The following NAA11 variants were observed in gnomAD, a reference collection of about 807,000 sequenced individuals.
NAA11 encodes N-alpha-acetyltransferase 11.
A neutral mutation model predicts 16.1 loss-of-function variants in NAA11; 15 were observed. That is an observed-to-expected ratio of 0.93 (90% CI 0.62 to 1.44). NAA11 has a LOEUF of 1.44. Ranked by LOEUF, NAA11 falls within the 40% of genes most tolerant of loss-of-function variation. The pLI is 0.00. For synonymous variants in NAA11, 122 were observed against 112.4 expected, an observed-to-expected ratio of 1.09 and a Z score of -0.54; for missense variants, 298 against 291.3, an observed-to-expected ratio of 1.02 and a Z score of -0.17.
chr4:79,226,866 G>GT (rs1270720161), intron 2 of NAA11, among the ~76,000 whole-genome samples: 1 of 151,986 alleles, frequency 6.6e-6, no homozygotes, highest in Non-Finnish European at 1.5e-5. Flanking sequence ...CTTTGCTATT[G>GT]TGAGTATTGC....
chr4:79,283,264 G>A (rs1256489397), intron 2 of NAA11, among the ~76,000 whole-genome samples: 1 of 151,952 alleles, frequency 6.6e-6, no homozygotes, highest in African/African-American at 2.4e-5. Context: ...TGAATAAAAT[G>A]TCAAGAAGTT....
chr4:79,221,652 G>T (rs1166972137), downstream of NAA11, among the ~76,000 whole-genome samples: 2 of 99,450 alleles, frequency 2.0e-5, no homozygotes, highest in African/African-American at 2.9e-5. Flanking sequence ...TTTGTCTTTG[G>T]CTCTGTTTAT....
intron 2 of NAA11, among the ~76,000 whole-genome samples, chr4:79,267,006 T>C (rs1722368721): frequency 6.6e-6 from 1 of 152,220 alleles, no homozygotes; most frequent in Non-Finnish European, 1.5e-5. Flanking sequence ...AGCTAAATTA[T>C]CTTTGTATAG....
At chr4:79,297,156 T>G (rs1224327996) in intron 1 of NAA11, among the ~76,000 whole-genome samples, 3 of 152,072 alleles carry the variant, frequency 2.0e-5, no homozygotes, top group African/African-American at 7.2e-5. Flanking sequence ...GCCACCGTTG[T>G]GGGGAGGGTG....
chr4:79,159,802 T>TG, the NAA11 span, among the ~76,000 whole-genome samples: 2 of 152,180 alleles, frequency 1.3e-5, no homozygotes, highest in Admixed American at 6.5e-5. Context: ...AAATATATAA[T>TG]ATGTGCCCTT....
rs377294921 is a variant in NAA11 at position 79,311,125 on chromosome 4, T to A, written c.*12+14051A>T. 3.7e-4 allele frequency among the ~76,000 whole-genome samples: 56 copies of A among 152,308 alleles called. 1 individual carries two copies. In the South Asian group the frequency reaches 4.8e-3, roughly 13 times the overall value. ...ATTTCAAAAGCTTTACATTCTAAGA[T>A]AAGCCACTATTATGCTTTTTCCTCA... On this transcript the variant is annotated intron_variant and NMD_transcript_variant, in intron 1 of 2. Coordinates refer to the NAA11 transcript ENST00000511542.
chr4:79,314,150 T>TCA (rs533426510), downstream of NAA11, among the ~76,000 whole-genome samples: 48 of 152,350 alleles, frequency 3.2e-4, no homozygotes, highest in Non-Finnish European at 6.3e-4. Flanking sequence ...TGTCGAATGT[T>TCA]CACACGTACT....
chr4:79,305,292 T>C (rs536316502), intron 1 of NAA11: 85 of 152,354 alleles, frequency 5.6e-4, no homozygotes, highest in African/African-American at 1.9e-3. Flanking sequence ...AGATCTTAAA[T>C]ATTTATCCAA....
At chr4:79,321,611 A>G (rs1314608276) in intron 1 of NAA11, among the ~76,000 whole-genome samples, 4 of 152,180 alleles carry the variant, frequency 2.6e-5, no homozygotes, top group Non-Finnish European at 5.9e-5. Flanking sequence ...AAATCTGGCA[A>G]TTCTTTAAAT....
At chr4:79,181,485 T>C in the NAA11 span, among the ~76,000 whole-genome samples, 1 of 152,116 alleles carries the variant, frequency 6.6e-6, no homozygotes, top group African/African-American at 2.4e-5. Context: ...CTTCACTCCT[T>C]AGAAAGTTCA....
rs113249790 is a variant in NAA11 at position 79,319,755 on chromosome 4, T to G, written c.*13-1964A>C. ...CCCTCTTTATCTTCATAGAGTGCAG[T>G]TGCATTTGAAATCTATGGTTTCTGG... is the stretch of plus-strand genomic sequence containing the variant. On this transcript the variant is annotated intron_variant, in intron 1 of 1. Transcript: ENST00000286794. Among the ~76,000 whole-genome samples the G allele has an allele frequency of 3.9e-5, 6 of 152,228 alleles. No individual in the cohort carries two copies. In the South Asian group the frequency reaches 6.2e-4, roughly 16 times the overall value.
the NAA11 span, among the ~76,000 whole-genome samples, chr4:79,189,182 G>GATATTTCAA: frequency 8.7e-6 from 1 of 114,362 alleles, no homozygotes; most frequent in Admixed American, 9.7e-5. Context: ...AGGAGGCAGA[G>GATATTTCAA]ATATTTCAAA....
chr4:79,194,156 T>G, the NAA11 span, among the ~76,000 whole-genome samples: 2 of 151,912 alleles, frequency 1.3e-5, no homozygotes, highest in Non-Finnish European at 2.9e-5. Flanking sequence ...TATACAATCA[T>G]GTCATCTGCA....
the NAA11 span, among the ~76,000 whole-genome samples, chr4:79,158,769 G>A: frequency 1.4e-5 from 2 of 146,866 alleles, no homozygotes; most frequent in African/African-American, 4.9e-5. Context: ...AAATAGGCAT[G>A]TAGACCAATG....
intron 1 of NAA11, among the ~76,000 whole-genome samples, chr4:79,298,171 GC>G: frequency 6.6e-6 from 1 of 152,144 alleles, no homozygotes; most frequent in Non-Finnish European, 1.5e-5. Context: ...GAAAGGAGCT[GC>G]CCCCTGCAGG....
intron 2 of NAA11, among the ~76,000 whole-genome samples, chr4:79,268,628 G>A (rs544231499): frequency 1.3e-5 from 2 of 152,238 alleles, no homozygotes; most frequent in South Asian, 4.1e-4. Context: ...TCTCAATGTA[G>A]GGTCAAATGA....
the NAA11 span, among the ~76,000 whole-genome samples, chr4:79,178,727 G>T: frequency 6.6e-6 from 1 of 152,160 alleles, no homozygotes; most frequent in East Asian, 1.9e-4. Flanking sequence ...TAAAAGAAAA[G>T]TTTGGTGCTG....
At chr4:79,233,218 A>G (rs1721503509) in intron 2 of NAA11, among the ~76,000 whole-genome samples, 1 of 151,932 alleles carries the variant, frequency 6.6e-6, no homozygotes, top group African/African-American at 2.4e-5. Flanking sequence ...AAAGCTAGCC[A>G]CCTTTCCATG....
At chr4:79,250,125 C>T (rs1721959909) in intron 2 of NAA11, among the ~76,000 whole-genome samples, 1 of 152,256 alleles carries the variant, frequency 6.6e-6, no homozygotes, top group African/African-American at 2.4e-5. Context: ...CTTTGCAATC[C>T]ACCCGCTATG....
Sources: allele counts gnomAD v4.1 joint callset (sites outside exome capture counted in the v4.1 genomes callset), GRCh38; gene constraint gnomAD v4.1.1; transcripts MANE v1.5; gene names NCBI Gene and HGNC (gene_info 2026-07-23, HGNC 2026-07-21).